The following CCDC30 variants were observed in gnomAD, a reference collection of about 807,000 sequenced individuals.
The protein encoded by CCDC30 is coiled-coil domain-containing protein 30.
A neutral mutation model predicts 100.2 loss-of-function variants in CCDC30; 70 were observed. The ratio of observed to expected loss-of-function variants is 0.70; its 90% CI spans 0.58 to 0.85. CCDC30 has a LOEUF of 0.85. Ranked by LOEUF, CCDC30 falls within the 40% of genes least tolerant of loss-of-function variation. CCDC30 has a pLI of 0.00. For missense variants in CCDC30, 652 were observed against 771.2 expected (o/e 0.85, Z 1.83); for synonymous variants, 233 against 269.5 (o/e 0.86, Z 1.33).
chr1:42,613,603 G>T (rs182735653), intron 11 of CCDC30, among the ~76,000 whole-genome samples: 1 of 152,292 alleles, frequency 6.6e-6, no homozygotes, highest in East Asian at 1.9e-4. Context: ...AGAACTGAGG[G>T]TTCCTCTTTT....
In CCDC30 at chr1:42,482,834, A is replaced by C; in HGVS notation, c.169+18A>C. On this transcript the variant is annotated intron_variant, in intron 3 of 16. Coordinates refer to ENST00000668663, the Ensembl canonical transcript of CCDC30. ...TAAATTAGGTAAGCTGTGGTTTCAG[A>C]TGACCATTTCCGATCATGCTTTAAC... is the stretch of plus-strand genomic sequence containing the variant. The C allele has an allele frequency of 1.6e-6, 2 of 1,231,418 alleles. No individual in the cohort carries two copies. Among genetic ancestry groups the C allele is most frequent in the Non-Finnish European group, 2.0e-6 (2 of 985,778 alleles). The allele number at this position is 1,231,418 out of a possible 1,614,324, so 76.3% of individuals were successfully genotyped here. A position where few individuals can be genotyped will look rare whatever the true frequency, so the allele number is the denominator to read the frequency against.
chr1:42,460,265 C>A, upstream of CCDC30: 1 of 1,021,312 alleles, frequency 9.8e-7, no homozygotes, highest in South Asian at 4.1e-5. Flanking sequence ...CTTTGGAGAT[C>A]AAATATTGGT....
chr1:42,484,222 A>T (rs148009885), intron 3 of CCDC30, among the ~76,000 whole-genome samples: 97 of 152,300 alleles, frequency 6.4e-4, no homozygotes, highest in African/African-American at 2.1e-3. Flanking sequence ...GAAATGTTGC[A>T]TATCCCATGT....
exon 8 of CCDC30, chr1:42,577,130 G>A (rs372685385): frequency 2.0e-5 from 33 of 1,613,962 alleles, no homozygotes; most frequent in African/African-American, 4.0e-5. Context: ...AGGAACTGGA[G>A]TTGGAAGTAC....
chr1:42,651,575 A>C (rs534728301), intron 15 of CCDC30, among the ~76,000 whole-genome samples: 1 of 152,200 alleles, frequency 6.6e-6, no homozygotes, highest in South Asian at 2.1e-4. Context: ...AAAAGATGAA[A>C]GATAAGGGCC....
At chr1:42,604,708 C>T (rs1646470193) in intron 10 of CCDC30, among the ~76,000 whole-genome samples, 2 of 152,072 alleles carry the variant, frequency 1.3e-5, no homozygotes, top group Non-Finnish European at 2.9e-5. Context: ...ATGCCCAGTC[C>T]CCTTGATAAG....
intron 1 of CCDC30, among the ~76,000 whole-genome samples, chr1:42,479,744 T>C (rs1431181893): frequency 6.6e-6 from 1 of 152,068 alleles, no homozygotes; most frequent in Non-Finnish European, 1.5e-5. Flanking sequence ...AGGATAGATA[T>C]GCTATGCTAT....
intron 6 of CCDC30, among the ~76,000 whole-genome samples, chr1:42,559,837 C>T (rs1373711243): frequency 6.6e-6 from 1 of 152,172 alleles, no homozygotes; most frequent in Admixed American, 6.5e-5. Context: ...ACAGAATATA[C>T]ATTCTTCTCA....
downstream of CCDC30, among the ~76,000 whole-genome samples, chr1:42,655,769 T>G (rs913770017): frequency 6.6e-6 from 1 of 152,090 alleles, no homozygotes; most frequent in Non-Finnish European, 1.5e-5. Flanking sequence ...TCACATCCAT[T>G]TCATCTATCA....
intron 6 of CCDC30, chr1:42,542,795 C>T (rs1332875035): frequency 8.9e-6 from 1 of 112,546 alleles, no homozygotes; most frequent in Non-Finnish European, 2.1e-5. Flanking sequence ...CCTCATGATC[C>T]ACCCGCCTCG....
At chr1:42,527,741 A>T (rs573253739) in intron 6 of CCDC30, among the ~76,000 whole-genome samples, 1 of 152,256 alleles carries the variant, frequency 6.6e-6, no homozygotes, top group South Asian at 2.1e-4. Context: ...CATTCTAGGA[A>T]AAAGATTAAT....
At chr1:42,513,765 C>G (rs1431559200) in intron 6 of CCDC30, among the ~76,000 whole-genome samples, 2 of 152,052 alleles carry the variant, frequency 1.3e-5, no homozygotes, top group Admixed American at 1.3e-4. Flanking sequence ...AAAGGAGTAC[C>G]CGAGGCTGGT....
intron 6 of CCDC30, among the ~76,000 whole-genome samples, chr1:42,502,108 G>C (rs533823929): frequency 1.3e-5 from 2 of 152,282 alleles, no homozygotes; most frequent in South Asian, 4.1e-4. Flanking sequence ...GCTTCACCCA[G>C]TTTGAGCTTC....
chr1:42,576,614 G>A (rs935610365), intron 7 of CCDC30, among the ~76,000 whole-genome samples: 2 of 152,132 alleles, frequency 1.3e-5, no homozygotes, highest in Admixed American at 1.3e-4. Context: ...GACCAAGAAA[G>A]AACAGCAGAG....
chr1:42,638,387 T>C (rs944260428), intron 12 of CCDC30, among the ~76,000 whole-genome samples: 1 of 152,028 alleles, frequency 6.6e-6, no homozygotes, highest in African/African-American at 2.4e-5. Flanking sequence ...AAAATCCTCT[T>C]GATACTCTAA....
At chr1:42,457,492 C>T in the CCDC30 span, 1 of 689,080 alleles carries the variant, frequency 1.5e-6, no homozygotes, top group Non-Finnish European at 2.6e-6. Flanking sequence ...CGCCCTCCCT[C>T]ATGGACCTCA....
intron 11 of CCDC30, among the ~76,000 whole-genome samples, chr1:42,625,739 T>G (rs1035665991): frequency 1.3e-5 from 2 of 152,166 alleles, no homozygotes; most frequent in Non-Finnish European, 2.9e-5. Flanking sequence ...TTATTTCAGT[T>G]TTTTTAATGT....
chr1:42,457,123 C>A, the CCDC30 span: 1 of 1,576,440 alleles, frequency 6.3e-7, no homozygotes, highest in Non-Finnish European at 8.6e-7. Flanking sequence ...GCCTTTCTTT[C>A]CAGCCACTTA....
intron 6 of CCDC30, among the ~76,000 whole-genome samples, chr1:42,546,604 A>G (rs1490538240): frequency 6.6e-6 from 1 of 151,396 alleles, no homozygotes; most frequent in African/African-American, 2.4e-5. Flanking sequence ...ATACACATAT[A>G]TGTATATTTT....
Sources: allele counts gnomAD v4.1 joint callset (sites outside exome capture counted in the v4.1 genomes callset), GRCh38; gene constraint gnomAD v4.1.1; transcripts MANE v1.5; gene names NCBI Gene and HGNC (gene_info 2026-07-23, HGNC 2026-07-21).